The following MTHFD1L variants were observed in gnomAD, a reference collection of about 807,000 sequenced individuals.
MTHFD1L encodes methylenetetrahydrofolate dehydrogenase (NADP+ dependent) 1 like.
A neutral mutation model predicts 119.5 loss-of-function variants in MTHFD1L; 81 were observed. The observed-to-expected ratio is 0.68, with a 90% CI of 0.57 to 0.82. The LOEUF (loss-of-function observed/expected upper bound fraction) is 0.82. MTHFD1L is among the 40% of genes least tolerant of loss of function. The pLI, the probability that MTHFD1L is intolerant of heterozygous loss-of-function variation, is 0.00. For synonymous variants in MTHFD1L, 430 were observed against 475.2 expected (o/e 0.90, Z 1.24); for missense variants, 1,125 against 1,253.4 (o/e 0.90, Z 1.55).
intron 7 of MTHFD1L, among the ~76,000 whole-genome samples, chr6:150,893,175 A>C (rs984410214): frequency 3.3e-5 from 5 of 152,108 alleles, no homozygotes; most frequent in Admixed American, 6.5e-5. Context: ...AGAGATTCTC[A>C]TGCCTCAGCC....
At chr6:150,893,041 G>A (rs930894462) in intron 7 of MTHFD1L, among the ~76,000 whole-genome samples, 6 of 152,052 alleles carry the variant, frequency 3.9e-5, no homozygotes, top group Non-Finnish European at 7.4e-5. Flanking sequence ...AAAAACACTG[G>A]AAGTAAAAAT....
At chr6:150,992,168 C>A (rs1469269519) in intron 20 of MTHFD1L, among the ~76,000 whole-genome samples, 1 of 150,414 alleles carries the variant, frequency 6.6e-6, no homozygotes, top group Non-Finnish European at 1.5e-5. Flanking sequence ...TAACAGGGCT[C>A]CCTCCCCAGG....
chr6:151,005,131 T>A (rs1254312141), intron 20 of MTHFD1L, among the ~76,000 whole-genome samples: 1 of 152,134 alleles, frequency 6.6e-6, no homozygotes, highest in African/African-American at 2.4e-5. Context: ...AGGTTATATA[T>A]GTTGGCAGTT....
intron 7 of MTHFD1L, among the ~76,000 whole-genome samples, chr6:150,905,036 C>CTTTTTTTTTTTTTTTTTTTTT (rs36039459): frequency 9.0e-6 from 1 of 111,728 alleles, no homozygotes; most frequent in Non-Finnish European, 1.7e-5. Context: ...TTGTTTTCCT[C>CTTTTTTTTTTTTTTTTTTTTT]TTTTTTTTTT....
At chr6:150,961,232 T>A (rs1240343419) in intron 18 of MTHFD1L, among the ~76,000 whole-genome samples, 1 of 152,042 alleles carries the variant, frequency 6.6e-6, no homozygotes, top group East Asian at 1.9e-4. Flanking sequence ...TAGCTGAGAT[T>A]ACAGGCGCAC....
intron 7 of MTHFD1L, among the ~76,000 whole-genome samples, chr6:150,900,740 G>A (rs1784972068): frequency 6.6e-6 from 1 of 152,196 alleles, no homozygotes; most frequent in Non-Finnish European, 1.5e-5. Flanking sequence ...GTGCGGCCGG[G>A]CGCGGTGGCT....
intron 23 of MTHFD1L, among the ~76,000 whole-genome samples, chr6:151,015,285 A>G (rs760518443): frequency 7.4e-6 from 1 of 134,534 alleles, no homozygotes; most frequent in East Asian, 2.1e-4. Flanking sequence ...GGGATATGTT[A>G]TGGAATTTTC....
rs573005137 is a variant in MTHFD1L at position 150,913,942 on chromosome 6, C to CCAA, written c.893-4634_893-4633insAAC. On this transcript the variant is annotated intron_variant, in intron 8 of 27. Coordinates refer to ENST00000367321, the MANE Select transcript of MTHFD1L (RefSeq NM_015440.5). Reference sequence around the variant, plus strand: ...GGTCAGGAGTTTGAGACCAGCCTGGCCGTGGTGAAACCCTGCCTCTACTAA... The same window carrying CCAA: ...GGTCAGGAGTTTGAGACCAGCCTGGCCAACGTGGTGAAACCCTGCCTCTACTAA... Among the ~76,000 whole-genome samples the CCAA allele has an allele frequency of 1.6e-3, 244 of 152,204 alleles. 1 individual carries two copies. The highest frequency in any genetic ancestry group is 5.5e-3 in the African/African-American group (230 of 41,534).
chr6:150,972,307 T>G (rs1242848334), intron 20 of MTHFD1L, among the ~76,000 whole-genome samples: 1 of 152,226 alleles, frequency 6.6e-6, no homozygotes, highest in Non-Finnish European at 1.5e-5. Flanking sequence ...TCTTGCAAAC[T>G]GAGTGACATT....
intron 26 of MTHFD1L, among the ~76,000 whole-genome samples, chr6:151,047,846 A>G (rs947249192): frequency 1.3e-5 from 2 of 152,158 alleles, no homozygotes; most frequent in Non-Finnish European, 2.9e-5. Flanking sequence ...GAGACTGGAT[A>G]GTTTATAAAG....
At chr6:151,021,718 G>A (rs532891932) in intron 24 of MTHFD1L, among the ~76,000 whole-genome samples, 229 of 152,270 alleles carry the variant, frequency 1.5e-3, no homozygotes, top group Non-Finnish European at 2.7e-3. Flanking sequence ...TTAAAACCAG[G>A]AATTAGAAGT....
chr6:150,878,111 C>A (rs758336197), intron 4 of MTHFD1L, among the ~76,000 whole-genome samples: 2 of 152,172 alleles, frequency 1.3e-5, no homozygotes, highest in Admixed American at 6.5e-5. Flanking sequence ...CAGGCCGAGG[C>A]GAGGAAACTG....
At chr6:151,045,794 C>G (rs1787912641) in intron 26 of MTHFD1L, among the ~76,000 whole-genome samples, 2 of 152,214 alleles carry the variant, frequency 1.3e-5, no homozygotes. Flanking sequence ...CTGGCCCAGG[C>G]ATCCACTGCT....
At chr6:150,942,333 T>C (rs985903274) in intron 13 of MTHFD1L, among the ~76,000 whole-genome samples, 2 of 152,208 alleles carry the variant, frequency 1.3e-5, no homozygotes, top group African/African-American at 4.8e-5. Flanking sequence ...AAATTGGATT[T>C]TTCAAAATAG....
At chr6:151,001,088 A>C (rs1188204425) in intron 20 of MTHFD1L, among the ~76,000 whole-genome samples, 1 of 152,250 alleles carries the variant, frequency 6.6e-6, no homozygotes, top group African/African-American at 2.4e-5. Context: ...AGCTAGTTGC[A>C]AGGACTAGTT....
chr6:151,050,297 G>T (rs540068290), intron 26 of MTHFD1L, among the ~76,000 whole-genome samples: 12 of 152,192 alleles, frequency 7.9e-5, no homozygotes, highest in Middle Eastern at 3.4e-3. Context: ...TGAGTAGCTG[G>T]GATTACAGGC....
chr6:150,888,983 T>C (rs1782765522), intron 7 of MTHFD1L, among the ~76,000 whole-genome samples: 1 of 152,200 alleles, frequency 6.6e-6, no homozygotes, highest in South Asian at 2.1e-4. Flanking sequence ...CAGACCAGCC[T>C]GGCCAATATG....
Position 150,950,889 on chromosome 6 carries a change from G to T in MTHFD1L, c.1726+1756G>T, listed in dbSNP as rs189442873. On this transcript the variant is annotated intron_variant, in intron 16 of 27. Coordinates refer to ENST00000367321, the MANE Select transcript of MTHFD1L (RefSeq NM_015440.5). Reference sequence around the variant, plus strand: ...TCACCATGTTGGCCAGGCTGGTCTGGAACTCCTGACCTCAAACGATCCGCC... The same window carrying T: ...TCACCATGTTGGCCAGGCTGGTCTGTAACTCCTGACCTCAAACGATCCGCC... Among the ~76,000 whole-genome samples the T allele has an allele frequency of 2.8e-4, 43 of 151,810 alleles. No individual in the cohort carries two copies. The East Asian group carries it at 7.4e-3, about 26-fold the overall frequency.
intron 26 of MTHFD1L, among the ~76,000 whole-genome samples, chr6:151,067,241 C>T (rs903241341): frequency 7.3e-5 from 11 of 151,516 alleles, no homozygotes; most frequent in African/African-American, 2.7e-4. Context: ...AGCCACCGCT[C>T]CCGGCCATCG....
Sources: gnomAD v4.1 joint callset for allele counts (sites outside exome capture counted in the v4.1 genomes callset) on GRCh38, gnomAD v4.1.1 for gene constraint, MANE v1.5 for transcripts, NCBI Gene and HGNC (gene_info 2026-07-23, HGNC 2026-07-21) for gene names.